The following LMOD3 variants were observed in gnomAD, a reference collection of about 807,000 sequenced individuals.
LMOD3 encodes leiomodin-3.
In LMOD3, 31 loss-of-function variants were observed where a neutral mutation model predicts 41.8. That is an observed-to-expected ratio of 0.74 (90% CI 0.56 to 1.00). LMOD3 has a LOEUF of 1.00. LMOD3 is among the 50% of genes least tolerant of loss of function. The pLI is 0.00. For synonymous variants in LMOD3, 292 were observed against 241.9 expected (o/e 1.21, Z -1.92); for missense variants, 755 against 679.5 (o/e 1.11, Z -1.23).
At position 69,118,870 on chromosome 3, in the gene LMOD3, G is replaced by A; in HGVS notation, c.1485C>T (p.Arg495=). ...FRVVKLKRIQ[R]KSRMPEAREP... The stretch of plus-strand genomic sequence containing the variant: ...CTCTGGCTTCCGGCATCCGAGATTT[G>A]CGCTGGATTCTCTTCAGCTTCACCA... The change falls in exon 2 of 3, where the codon CGC becomes CGT. Residue 495 remains arginine, a synonymous_variant. Coordinates refer to ENST00000420581, the MANE Select transcript of LMOD3 (RefSeq NM_198271.5). 1.2e-6 allele frequency: 2 copies of A among 1,610,824 alleles called. No homozygotes were observed. The highest frequency in any genetic ancestry group is 1.7e-6 in the Non-Finnish European group (2 of 1,179,244).
chr3:69,116,984 G>A (rs140709432), intron 2 of LMOD3, among the ~76,000 whole-genome samples: 62 of 152,320 alleles, frequency 4.1e-4, no homozygotes, highest in African/African-American at 1.4e-3. Context: ...TGAATGTACA[G>A]CCACCAAGGT....
intron 2 of LMOD3, among the ~76,000 whole-genome samples, chr3:69,116,267 T>C (rs2092372328): frequency 6.6e-6 from 1 of 152,228 alleles, no homozygotes; most frequent in Non-Finnish European, 1.5e-5. Context: ...GCCGAGTGTT[T>C]TCCAGGACCG....
In LMOD3 at chr3:69,119,596, A is replaced by G. The variant is rs115972674; in HGVS notation, c.759T>C (p.Pro253=). The change falls in exon 2 of 3, where the codon CCT becomes CCC. Residue 253 remains proline, a synonymous_variant. Coordinates refer to ENST00000420581, the MANE Select transcript of LMOD3 (RefSeq NM_198271.5). ...GSLRRVRKND[P]DMKELNLNNI... The stretch of plus-strand genomic sequence containing the variant: ...TGTTCAGGTTGAGTTCCTTCATGTC[A>G]GGATCATTTTTCCTAACTCTCCTCA... 63,503 of 1,613,726 alleles carry G rather than the reference A, an allele frequency of 0.039. 1,477 individuals carry two copies. The highest frequency in any genetic ancestry group is 0.047 in the Non-Finnish European group (55,466 of 1,179,848).
chr3:69,118,774 G>C lies in LMOD3; in HGVS notation c.1581C>G (p.Pro527=), dbSNP rs748182181. The change falls in exon 2 of 3, where the codon CCC becomes CCG. Residue 527 remains proline, a synonymous_variant. Coordinates refer to ENST00000420581, the MANE Select transcript of LMOD3 (RefSeq NM_198271.5). ...CTCTGGGAGTGATTTCCACCAATGG[G>C]GGTGGCCTGTTTCTCGGCACTGGCT... ...TLKPVPRNRP[P]PLVEITPRDQ... 3.7e-6 allele frequency: 6 copies of C among 1,611,834 alleles called. No individual in the cohort carries two copies. The African/African-American group carries it at 6.7e-5, about 18-fold the overall frequency.
At chr3:69,112,316 C>T (rs949267046) in intron 2 of LMOD3, among the ~76,000 whole-genome samples, 1 of 152,176 alleles carries the variant, frequency 6.6e-6, no homozygotes, top group Non-Finnish European at 1.5e-5. Context: ...TTAATTTGGT[C>T]TACCTGTATT....
At chr3:69,112,444 G>A (rs2092354203) in intron 2 of LMOD3, among the ~76,000 whole-genome samples, 1 of 152,214 alleles carries the variant, frequency 6.6e-6, no homozygotes, top group Non-Finnish European at 1.5e-5. Context: ...GTGGCCAGAA[G>A]GGCTGTCAAC....
rs1362935131 is a variant in LMOD3 at position 69,119,417 on chromosome 3, G to C, written c.938C>G (p.Thr313Ser). Residue 313 changes from threonine (T) to serine (S), a missense_variant, in exon 2 of 3, where the codon ACC (threonine) becomes AGC (serine). Physicochemically the swap from Thr to Ser is moderately conservative, Grantham distance 58. Coordinates refer to ENST00000420581, the MANE Select transcript of LMOD3 (RefSeq NM_198271.5). ...GAAATTGGACTCGATGTTGAGAGTG[G>C]TGATGCTTCTATTTTCACGCAACAT... is the stretch of plus-strand genomic sequence containing the variant. ...ANMLRENRSITTLNIESNFIT... is the reference protein window; with the variant it reads ...ANMLRENRSISTLNIESNFIT... 1 of 1,613,986 alleles carries C rather than the reference G, an allele frequency of 6.2e-7. No homozygotes were observed. Among genetic ancestry groups the C allele is most frequent in the African/African-American group, 1.3e-5 (1 of 75,056 alleles).
chr3:69,109,139 G>A lies in LMOD3; in HGVS notation c.1657-18C>T. The A allele has an allele frequency of 6.3e-7, 1 of 1,598,366 alleles. No individual in the cohort carries two copies. Among genetic ancestry groups the A allele is most frequent in the Non-Finnish European group, 8.5e-7 (1 of 1,172,118 alleles). On this transcript the variant is annotated intron_variant, in intron 2 of 2. Coordinates refer to ENST00000420581, the MANE Select transcript of LMOD3 (RefSeq NM_198271.5). ...AGTTGCACCTGCGATTTAAGCATTT[G>A]AGGAAACGGGGGAAATTAATCCTGG...
Position 69,109,102 on chromosome 3 carries a change from A to G in LMOD3, c.1676T>C (p.Leu559Pro). Residue 559 changes from leucine to proline, a missense_variant, in exon 3 of 3, where the codon CTG (leucine) becomes CCG (proline). Transcript: ENST00000420581. ...AGATGGCTCTGTTGCCTCTTACGCC[A>G]GTTCTTTTGGCAGTTGCACCTGCGA... ...YLKPVQLPKE[L>P]A The G allele has an allele frequency of 3.7e-6, 6 of 1,602,052 alleles. No homozygotes were observed. The highest frequency in any genetic ancestry group is 5.1e-6 in the Non-Finnish European group (6 of 1,174,016).
Position 69,107,353 on chromosome 3 carries a change from C to CTGTT in LMOD3, c.*1738_*1741dup, listed in dbSNP as rs879058482. The CTGTT allele has an allele frequency of 1.3e-5, 2 of 148,476 alleles. No homozygotes were observed. The highest frequency in any genetic ancestry group is 2.1e-4 in the South Asian group (1 of 4,692). 9.2% of individuals were successfully genotyped at this position (148,476 alleles called of 1,614,324 possible). A position where few individuals can be genotyped will look rare whatever the true frequency, so the allele number is the denominator to read the frequency against. On this transcript the variant is annotated 3_prime_UTR_variant, in exon 3 of 3. Transcript: ENST00000420581. ...ACAATTAGACCTATTCTCCCCTAGC[C>CTGTT]TGTTTGGTTTGATACATGCCACTTA...
rs112308203 is a variant in LMOD3 at position 69,114,539 on chromosome 3, G to A, written c.1656+4160C>T. 9.9e-5 allele frequency among the ~76,000 whole-genome samples: 15 copies of A among 152,262 alleles called. 2 individuals are homozygous for A. Among genetic ancestry groups the A allele is most frequent in the African/African-American group, 3.1e-4 (13 of 41,560 alleles). ...TTTAAAATTTTTGAGACAGAATCTC[G>A]CTCTGTCGCCCAGGCTGGAGTGCAG... On this transcript the variant is annotated intron_variant, in intron 2 of 2. Transcript: ENST00000420581.
chr3:69,110,244 T>G (rs868393089), intron 2 of LMOD3, among the ~76,000 whole-genome samples: 4 of 151,830 alleles, frequency 2.6e-5, no homozygotes, highest in South Asian at 2.1e-4. Context: ...TATTTTATTT[T>G]TTTTAGACAA....
chr3:69,117,651 TA>T (rs1352807392), intron 2 of LMOD3, among the ~76,000 whole-genome samples: 1 of 152,102 alleles, frequency 6.6e-6, no homozygotes, highest in Non-Finnish European at 1.5e-5. Flanking sequence ...TAAATTGAAA[TA>T]GTGATTTTAA....
intron 1 of LMOD3, among the ~76,000 whole-genome samples, chr3:69,121,340 T>C (rs913430156): frequency 6.6e-6 from 1 of 152,178 alleles, no homozygotes; most frequent in African/African-American, 2.4e-5. Flanking sequence ...TCAGAGTAAT[T>C]TAACAAGATG....
At position 69,119,648 on chromosome 3, in the gene LMOD3, C is replaced by G; in HGVS notation, c.707G>C (p.Gly236Ala). The change falls in exon 2 of 3, where the codon GGA becomes GCA. Residue 236 changes from glycine to alanine, a missense_variant. Physicochemically the swap from Gly to Ala is moderately conservative, Grantham distance 60. Transcript: ENST00000420581. ...GCTCCCATCCAGGTCTGTCTGGTTT[C>G]CTGAAGGCCTTGTACTTACCTTCAA... ...SFLKVSTRPS[G>A]NQTDLDGSLR... 6.2e-7 allele frequency: 1 copy of G among 1,613,892 alleles called. No homozygotes were observed. The highest frequency in any genetic ancestry group is 8.5e-7 in the Non-Finnish European group (1 of 1,179,876).
intron 1 of LMOD3, among the ~76,000 whole-genome samples, chr3:69,121,728 C>T (rs1346397471): frequency 6.6e-6 from 1 of 152,082 alleles, no homozygotes; most frequent in Non-Finnish European, 1.5e-5. Flanking sequence ...ACAGAGCTGT[C>T]ATTACTTTCT....
chr3:69,110,822 AAC>A (rs1266491457), intron 2 of LMOD3, among the ~76,000 whole-genome samples: 1 of 136,250 alleles, frequency 7.3e-6, no homozygotes, highest in Admixed American at 7.2e-5. Context: ...CAGCCTGGGC[AAC>A]AGAGACACCA....
At chr3:69,113,621 C>A (rs182570522) in intron 2 of LMOD3, among the ~76,000 whole-genome samples, 2 of 152,312 alleles carry the variant, frequency 1.3e-5, no homozygotes, top group East Asian at 3.9e-4. Flanking sequence ...ATGGCTTTAG[C>A]CAACTGGATG....
At chr3:69,118,586 C>T (rs2092388188) in intron 2 of LMOD3, 113 bp downstream of exon 2, 1 of 1,214,054 alleles carries the variant, frequency 8.2e-7, no homozygotes, top group African/African-American at 1.5e-5. Flanking sequence ...TGGCTTCCCC[C>T]AGTTGGTCTC....
Sources: gnomAD v4.1 joint callset for allele counts (sites outside exome capture counted in the v4.1 genomes callset) on GRCh38, gnomAD v4.1.1 for gene constraint, MANE v1.5 for transcripts, NCBI Gene and HGNC (gene_info 2026-07-23, HGNC 2026-07-21) for gene names.